The following TULP4 variants were observed in gnomAD, a reference collection of about 807,000 sequenced individuals.
TULP4 encodes the protein TUB like protein 4.
In TULP4, 16 loss-of-function variants were observed where a neutral mutation model predicts 129.0. That is an observed-to-expected ratio of 0.12 (90% CI 0.08 to 0.19). The LOEUF (loss-of-function observed/expected upper bound fraction) is 0.19, where lower values mean the gene tolerates loss of function less well. Among genes scored for constraint, TULP4 ranks in the 10% least tolerant of loss-of-function variants. The pLI, the probability that TULP4 is intolerant of heterozygous loss-of-function variation, is 1.00. For missense variants in TULP4, 1,842 were observed against 2,059.1 expected, an observed-to-expected ratio of 0.89 and a Z score of 2.04; for synonymous variants, 998 against 854.0, an observed-to-expected ratio of 1.17 and a Z score of -2.94.
At chr6:158,305,966 C>G (rs1779211312) in intron 1 of TULP4, among the ~76,000 whole-genome samples, 1 of 152,142 alleles carries the variant, frequency 6.6e-6, no homozygotes, top group Non-Finnish European at 1.5e-5. Context: ...AAGTGAAATG[C>G]CCAACACCAC....
chr6:158,351,524 A>G (rs1291456710), intron 1 of TULP4, among the ~76,000 whole-genome samples: 1 of 152,112 alleles, frequency 6.6e-6, no homozygotes. Flanking sequence ...TGTGTTCTTA[A>G]GATATGAAAA....
chr6:158,290,555 G>A (rs898519865), intron 1 of TULP4, among the ~76,000 whole-genome samples: 1 of 151,572 alleles, frequency 6.6e-6, no homozygotes, highest in African/African-American at 2.4e-5. Flanking sequence ...TCTCTTTCTA[G>A]GGGATTGATT....
At chr6:158,417,050 C>T (rs569682012) in intron 2 of TULP4, among the ~76,000 whole-genome samples, 8 of 152,178 alleles carry the variant, frequency 5.3e-5, no homozygotes, top group Non-Finnish European at 1.0e-4. Context: ...GATCACACAA[C>T]AAGGGAATTG....
Position 158,503,893 on chromosome 6 carries a change from T to C in TULP4, c.4230T>C (p.Pro1410=). 6.2e-7 allele frequency: 1 copy of C among 1,614,082 alleles called. No homozygotes were observed. The highest frequency in any genetic ancestry group is 8.5e-7 in the Non-Finnish European group (1 of 1,180,048). The change falls in exon 13 of 14, where the codon CCT becomes CCC. Residue 1410 remains proline, a synonymous_variant. Transcript: ENST00000367097. This position sits in a 1 kb window ranked among gnomAD's most constrained non-coding sequence, Gnocchi z 4.3. ...TCCAGGACAGCTCCGAGAGCGAGCC[T>C]GAGCTGTTCATCAGCGGGGATGAGC... is the stretch of plus-strand genomic sequence containing the variant. The part of the protein sequence containing the change: ...NEFQDSSESE[P]ELFISGDELM...
intron 10 of TULP4, among the ~76,000 whole-genome samples, chr6:158,494,253 AG>A (rs1301583872): frequency 2.6e-5 from 4 of 152,150 alleles, no homozygotes; most frequent in South Asian, 2.1e-4. Context: ...GATCATTACA[AG>A]CTTTATCTCC....
At chr6:158,401,253 T>G (rs555491674) in intron 1 of TULP4, among the ~76,000 whole-genome samples, 15 of 152,238 alleles carry the variant, frequency 9.9e-5, no homozygotes, top group African/African-American at 3.6e-4. Context: ...TTGGTATTTT[T>G]TGTAGAGACG....
At chr6:158,453,353 G>A (rs372447429) in intron 5 of TULP4, among the ~76,000 whole-genome samples, 63 of 150,988 alleles carry the variant, frequency 4.2e-4, no homozygotes, top group African/African-American at 1.4e-3. Context: ...GCGTGGTGGC[G>A]GGCGCCTGTA....
intron 1 of TULP4, among the ~76,000 whole-genome samples, chr6:158,292,531 C>T (rs1378272777): frequency 6.6e-6 from 1 of 152,078 alleles, no homozygotes; most frequent in Non-Finnish European, 1.5e-5. Flanking sequence ...GTGCAGAGGC[C>T]CTTTCAGAGC....
intron 5 of TULP4, 43 bp downstream of exon 5, chr6:158,452,311 G>T: frequency 6.2e-7 from 1 of 1,605,468 alleles, no homozygotes; most frequent in Non-Finnish European, 8.5e-7. Context: ...GACCGGGCCT[G>T]TGTGTGCTTG....
chr6:158,235,869 TAATTA>T, intron 1 of TULP4, among the ~76,000 whole-genome samples: 1 of 152,232 alleles, frequency 6.6e-6, no homozygotes, highest in Admixed American at 6.5e-5. Flanking sequence ...CAAATTAAAT[TAATTA>T]AATTAGTTAA....
chr6:158,501,080 A>C (rs1780434550), intron 12 of TULP4, among the ~76,000 whole-genome samples: 1 of 152,228 alleles, frequency 6.6e-6, no homozygotes, highest in Non-Finnish European at 1.5e-5. Flanking sequence ...GTCTTAAAAA[A>C]AAAAAAATTA....
chr6:158,346,686 T>C (rs1780320373), intron 1 of TULP4, among the ~76,000 whole-genome samples: 1 of 152,216 alleles, frequency 6.6e-6, no homozygotes, highest in Non-Finnish European at 1.5e-5. Flanking sequence ...TAAAGATTCA[T>C]TTAGGCAGAG....
chr6:158,331,732 C>CGTGTATATACACGT lies in TULP4; in HGVS notation c.252+17466_252+17467insGTATATACACGTGT, dbSNP rs1491126402. Among the ~76,000 whole-genome samples, 2 of 7,782 alleles carry CGTGTATATACACGT rather than the reference C, an allele frequency of 2.6e-4. 1 individual carries two copies. The highest frequency in any genetic ancestry group is 7.5e-4 in the African/African-American group (2 of 2,678). The allele number at this position is 7,782 out of a possible 152,430, so 5.1% of individuals were successfully genotyped here. On this transcript the variant is annotated intron_variant, in intron 1 of 13. Coordinates refer to ENST00000367097, the MANE Select transcript of TULP4 (RefSeq NM_020245.5). ...ACACACACACACACACACACACATA[C>CGTGTATATACACGT]GTATATATATACGTGTATATACACG... is the stretch of plus-strand genomic sequence containing the variant.
intron 1 of TULP4, among the ~76,000 whole-genome samples, chr6:158,263,257 TG>T (rs914190828): frequency 3.3e-5 from 5 of 152,340 alleles, no homozygotes; most frequent in South Asian, 2.1e-4. Flanking sequence ...GTAACTTGAC[TG>T]AAGCACTAAT....
chr6:158,471,676 A>G (rs536264195), intron 6 of TULP4, among the ~76,000 whole-genome samples: 155 of 152,330 alleles, frequency 1.0e-3, no homozygotes, highest in African/African-American at 3.6e-3. Flanking sequence ...TGGCAAAACA[A>G]ACATAAATAT....
rs368981945 is a variant in TULP4, at chr6:158,253,720, A to C, written n.68+21417A>C. Among the ~76,000 whole-genome samples, 51 of 152,236 alleles carry C rather than the reference A, an allele frequency of 3.4e-4. 2 individuals are homozygous for C. The South Asian group carries it at 0.011, about 32-fold the overall frequency. ...AACATTTTCTGACCTACAGAACGCCACTGCCCTACCTTTCCATATAGAAGA... is the reference window on the plus strand; with the variant it reads ...AACATTTTCTGACCTACAGAACGCCCCTGCCCTACCTTTCCATATAGAAGA... On this transcript the variant is annotated intron_variant and non_coding_transcript_variant, in intron 1 of 1. Coordinates refer to the TULP4 transcript ENST00000620026.
chr6:158,339,961 T>A (rs1780142531), intron 1 of TULP4, among the ~76,000 whole-genome samples: 1 of 152,194 alleles, frequency 6.6e-6, no homozygotes, highest in Non-Finnish European at 1.5e-5. Flanking sequence ...CTTCACAATT[T>A]ATATTCTTCT....
At chr6:158,344,391 C>T (rs1290827468) in intron 1 of TULP4, among the ~76,000 whole-genome samples, 1 of 152,158 alleles carries the variant, frequency 6.6e-6, no homozygotes, top group Non-Finnish European at 1.5e-5. Context: ...TTGGACTTTG[C>T]AGATAGTGTG....
rs368624990 is a variant in TULP4 at position 158,303,721 on chromosome 6, G to A, written n.117-8330G>A. 2.6e-5 allele frequency among the ~76,000 whole-genome samples: 4 copies of A among 152,110 alleles called. No homozygotes were observed. In the East Asian group the frequency reaches 7.7e-4, roughly 29 times the overall value. ...GAGCACTCACAGACAATGTGTTGTGGTGCACACACTCAGGAGTGGGAATGC... is the reference window on the plus strand; with the variant it reads ...GAGCACTCACAGACAATGTGTTGTGATGCACACACTCAGGAGTGGGAATGC... On this transcript the variant is annotated intron_variant and non_coding_transcript_variant, in intron 1 of 1. Coordinates refer to the TULP4 transcript ENST00000432358.
Sources: gnomAD v4.1 joint callset for allele counts (sites outside exome capture counted in the v4.1 genomes callset) on GRCh38, gnomAD v4.1.1 for gene constraint, Gnocchi (gnomAD v3.1) non-coding constraint, MANE v1.5 for transcripts, NCBI Gene and HGNC (gene_info 2026-07-23, HGNC 2026-07-21) for gene names.